The following ATXN7L1 variants were observed in gnomAD, a reference collection of about 807,000 sequenced individuals.
ATXN7L1 encodes the protein ataxin-7-like protein 1.
Under a neutral mutation model 70.8 loss-of-function variants are expected in ATXN7L1, and 15 were observed. The ratio of observed to expected loss-of-function variants is 0.21; its 90% CI spans 0.14 to 0.33. The LOEUF (loss-of-function observed/expected upper bound fraction) is 0.33, where lower values mean the gene tolerates loss of function less well. ATXN7L1 is among the 10% of genes least tolerant of loss of function. ATXN7L1 has a pLI of 1.00. For missense variants in ATXN7L1, 975 were observed against 1,097.1 expected, an observed-to-expected ratio of 0.89 and a Z score of 1.57; for synonymous variants, 440 against 445.1, an observed-to-expected ratio of 0.99 and a Z score of 0.14.
chr7:105,838,185 C>A (rs916728553), intron 2 of ATXN7L1, among the ~76,000 whole-genome samples: 1 of 152,188 alleles, frequency 6.6e-6, no homozygotes, highest in Admixed American at 6.5e-5. Context: ...ACACAGGCCT[C>A]CCAGCTGTGT....
chr7:105,826,221 G>T (rs1479442509), intron 2 of ATXN7L1, among the ~76,000 whole-genome samples: 1 of 152,100 alleles, frequency 6.6e-6, no homozygotes, highest in Admixed American at 6.5e-5. Flanking sequence ...TATTACTTTG[G>T]GGGAAAAAAG....
At chr7:105,699,141 T>C (rs1792119913) in intron 3 of ATXN7L1, among the ~76,000 whole-genome samples, 1 of 152,174 alleles carries the variant, frequency 6.6e-6, no homozygotes, top group Non-Finnish European at 1.5e-5. Context: ...TACTTTTTTT[T>C]TTTCTTTTTG....
chr7:105,704,991 A>G (rs1189296045), intron 3 of ATXN7L1, among the ~76,000 whole-genome samples: 1 of 151,864 alleles, frequency 6.6e-6, no homozygotes, highest in Non-Finnish European at 1.5e-5. Context: ...GCAATAACTC[A>G]GTTTTGTAGA....
At chr7:105,693,581 ATCT>A (rs72020778) in intron 3 of ATXN7L1, among the ~76,000 whole-genome samples, 27,581 of 82,670 alleles carry the variant, frequency 0.33, 2,805 homozygotes, top group South Asian at 0.45. Flanking sequence ...CCATCCATCC[ATCT>A]AATTTGAAGA....
chr7:105,740,784 T>TTTTTTTTTTTTTTTTTTTTTTGAGAC (rs556048408), intron 3 of ATXN7L1, among the ~76,000 whole-genome samples: 2 of 77,926 alleles, frequency 2.6e-5, no homozygotes, highest in African/African-American at 1.2e-4. Context: ...TTTTTTTTTT[T>TTTTTTTTTTTTTTTTTTTTTTGAGAC]AATGGAGTCT....
intron 3 of ATXN7L1, among the ~76,000 whole-genome samples, chr7:105,784,384 A>G (rs1387736886): frequency 6.6e-6 from 1 of 152,140 alleles, no homozygotes; most frequent in Non-Finnish European, 1.5e-5. Flanking sequence ...TGAGTAAGCA[A>G]CAGTTTTCCT....
chr7:105,695,146 G>A (rs1376653352), intron 3 of ATXN7L1, among the ~76,000 whole-genome samples: 1 of 152,018 alleles, frequency 6.6e-6, no homozygotes, highest in Admixed American at 6.6e-5. Flanking sequence ...AATTAGCCGG[G>A]CGTGGTGGCC....
At chr7:105,726,515 T>C (rs139090327) in intron 3 of ATXN7L1, among the ~76,000 whole-genome samples, 208 of 152,268 alleles carry the variant, frequency 1.4e-3, no homozygotes, top group Non-Finnish European at 2.4e-3. Context: ...CGCTGTCACC[T>C]TCCCCTCTGT....
chr7:105,608,023 G>A (rs1356467381), intron 11 of ATXN7L1, 133 bp from the exon 12 acceptor site: 6 of 802,842 alleles, frequency 7.5e-6, no homozygotes, highest in Non-Finnish European at 1.0e-5. Context: ...ATCCAGCAAA[G>A]GGCAGCTGGA....
At chr7:105,873,229 A>G (rs1818544068) in intron 2 of ATXN7L1, among the ~76,000 whole-genome samples, 1 of 152,256 alleles carries the variant, frequency 6.6e-6, no homozygotes, top group African/African-American at 2.4e-5. Context: ...TTCAATTCCC[A>G]GTTGGAATTT....
chr7:105,835,149 G>GTTTTTTTTTTTT (rs10587073), intron 2 of ATXN7L1, among the ~76,000 whole-genome samples: 2 of 67,330 alleles, frequency 3.0e-5, no homozygotes, highest in Non-Finnish European at 5.0e-5. Flanking sequence ...TAAGTGTGTG[G>GTTTTTTTTTTTT]TTTTTTTTTT....
chr7:105,759,440 T>G (rs1328867354), intron 3 of ATXN7L1, among the ~76,000 whole-genome samples: 1 of 131,500 alleles, frequency 7.6e-6, no homozygotes, highest in East Asian at 2.4e-4. Context: ...ACTGGCAGCT[T>G]GGATAGTGAG....
At chr7:105,776,902 T>C (rs1802815856) in intron 3 of ATXN7L1, among the ~76,000 whole-genome samples, 2 of 152,200 alleles carry the variant, frequency 1.3e-5, no homozygotes, top group African/African-American at 4.8e-5. Flanking sequence ...CCTGAGTAGC[T>C]GGGATTATAG....
chr7:105,680,465 G>C (rs1487775426), intron 3 of ATXN7L1, among the ~76,000 whole-genome samples: 1 of 152,224 alleles, frequency 6.6e-6, no homozygotes, highest in Non-Finnish European at 1.5e-5. Flanking sequence ...ATCAGTTTCA[G>C]ATTGAGAGGG....
At chr7:105,678,090 T>A in intron 3 of ATXN7L1, 2 of 720,698 alleles carry the variant, frequency 2.8e-6, no homozygotes, top group African/African-American at 1.9e-5. Flanking sequence ...TACAGACACA[T>A]ACTTTTTTTT....
chr7:105,704,073 G>A (rs1019291554), intron 3 of ATXN7L1, among the ~76,000 whole-genome samples: 11 of 152,304 alleles, frequency 7.2e-5, no homozygotes, highest in African/African-American at 2.4e-4. Flanking sequence ...TGGCAACTGT[G>A]TCCTACCAGA....
At chr7:105,677,451 G>T (rs1804856758) in intron 3 of ATXN7L1, among the ~76,000 whole-genome samples, 1 of 152,182 alleles carries the variant, frequency 6.6e-6, no homozygotes, top group Non-Finnish European at 1.5e-5. Flanking sequence ...GTAATTACTG[G>T]TTTACTGGTC....
intron 3 of ATXN7L1, among the ~76,000 whole-genome samples, chr7:105,754,059 C>A (rs1799504969): frequency 6.6e-6 from 1 of 152,148 alleles, no homozygotes; most frequent in Admixed American, 6.5e-5. Flanking sequence ...TTGTATAGCA[C>A]AAATTAGACA....
chr7:105,815,217 C>T (rs1488521041), intron 2 of ATXN7L1, among the ~76,000 whole-genome samples: 1 of 152,166 alleles, frequency 6.6e-6, no homozygotes, highest in Non-Finnish European at 1.5e-5. Flanking sequence ...GGGAGAAGTA[C>T]CAGGTGCAAG....
Sources: allele counts gnomAD v4.1 joint callset (sites outside exome capture counted in the v4.1 genomes callset), GRCh38; gene constraint gnomAD v4.1.1; transcripts MANE v1.5; gene names NCBI Gene and HGNC (gene_info 2026-07-23, HGNC 2026-07-21).